The following SLC2A13 variants were observed in gnomAD, a reference collection of about 807,000 sequenced individuals.
SLC2A13 encodes the protein solute carrier family 2 member 13.
In SLC2A13, 32 loss-of-function variants were observed where a neutral mutation model predicts 64.4. The ratio of observed to expected loss-of-function variants is 0.50; its 90% CI spans 0.37 to 0.67. The LOEUF (loss-of-function observed/expected upper bound fraction) is 0.67, where lower values mean the gene tolerates loss of function less well. Ranked by LOEUF, SLC2A13 falls within the 30% of genes least tolerant of loss-of-function variation. SLC2A13 has a pLI of 0.00. For missense variants in SLC2A13, 743 were observed against 829.2 expected, an observed-to-expected ratio of 0.90 and a Z score of 1.28; for synonymous variants, 338 against 327.1, an observed-to-expected ratio of 1.03 and a Z score of -0.36.
At chr12:39,889,765 C>CAG (rs1944557831) in intron 4 of SLC2A13, among the ~76,000 whole-genome samples, 1 of 151,964 alleles carries the variant, frequency 6.6e-6, no homozygotes, top group African/African-American at 2.4e-5. Context: ...TTCTTGACCT[C>CAG]GTGATCTGCC....
At chr12:39,784,489 T>C (rs1941113629) in intron 7 of SLC2A13, among the ~76,000 whole-genome samples, 1 of 152,194 alleles carries the variant, frequency 6.6e-6, no homozygotes, top group Non-Finnish European at 1.5e-5. Flanking sequence ...ATTCCCTACT[T>C]AACAAATGGT....
At chr12:39,885,809 T>C (rs1944451748) in intron 4 of SLC2A13, among the ~76,000 whole-genome samples, 1 of 152,162 alleles carries the variant, frequency 6.6e-6, no homozygotes, top group South Asian at 2.1e-4. Context: ...CAATGCAAAA[T>C]TCCCAGTTGT....
chr12:39,846,203 T>C (rs1943307885), intron 6 of SLC2A13, among the ~76,000 whole-genome samples: 1 of 152,256 alleles, frequency 6.6e-6, no homozygotes, highest in Admixed American at 6.5e-5. Flanking sequence ...ACCAAGGTGG[T>C]GAATACTTTA....
At chr12:39,818,380 T>C (rs937028329) in intron 7 of SLC2A13, among the ~76,000 whole-genome samples, 2 of 152,186 alleles carry the variant, frequency 1.3e-5, no homozygotes, top group African/African-American at 4.8e-5. Context: ...TGAGAATTAC[T>C]TGCAAAAATG....
intron 4 of SLC2A13, among the ~76,000 whole-genome samples, chr12:39,914,421 C>A (rs1945486367): frequency 6.6e-6 from 1 of 151,960 alleles, no homozygotes; most frequent in South Asian, 2.1e-4. Context: ...ACAGAGAACT[C>A]TGAAAGAACG....
intron 7 of SLC2A13, among the ~76,000 whole-genome samples, chr12:39,813,143 C>CCTATA (rs1942241222): frequency 6.6e-6 from 1 of 151,102 alleles, no homozygotes; most frequent in Admixed American, 6.6e-5. Flanking sequence ...CTGTGCCCAG[C>CCTATA]CTATAGTATT....
chr12:40,032,296 C>T lies in SLC2A13; in HGVS notation c.717-3787G>A, dbSNP rs553284584. Among the ~76,000 whole-genome samples the T allele has an allele frequency of 2.0e-5, 3 of 152,306 alleles. No homozygotes were observed. The South Asian group carries it at 6.2e-4, about 32-fold the overall frequency. On this transcript the variant is annotated intron_variant, in intron 2 of 9. Transcript: ENST00000280871. The stretch of plus-strand genomic sequence containing the variant: ...CATTTACCTTCTACGGACAAGCAAG[C>T]GCACCAGACAAACACACAGTCAAGC...
intron 4 of SLC2A13, among the ~76,000 whole-genome samples, chr12:39,896,140 ACC>A (rs1565527303): frequency 6.8e-6 from 1 of 147,630 alleles, no homozygotes; most frequent in Non-Finnish European, 1.5e-5. Flanking sequence ...ATACACGTGT[ACC>A]TATATATGTA....
At chr12:39,882,431 A>G (rs1944362503) in intron 4 of SLC2A13, among the ~76,000 whole-genome samples, 1 of 152,228 alleles carries the variant, frequency 6.6e-6, no homozygotes, top group Admixed American at 6.5e-5. Context: ...CTTATGTCAT[A>G]AATTCCAACT....
rs1407656100 is a variant in SLC2A13, at chr12:39,951,261, T to TG, written c.1029dup (p.Ile344HisfsTer15). On this transcript the variant is annotated frameshift_variant, in exon 4 of 10. Transcript: ENST00000280871. LOFTEE classifies it high-confidence loss of function. Reference sequence around the variant, plus strand: ...AAGCCAGAAAGAAATACATACATGATGGTGTTAATGCCTGAGAGCTGCTGG... The same window carrying TG: ...AAGCCAGAAAGAAATACATACATGATGGGTGTTAATGCCTGAGAGCTGCTGG... 6.2e-7 allele frequency: 1 copy of TG among 1,612,458 alleles called. No homozygotes were observed. The highest frequency in any genetic ancestry group is 8.5e-7 in the Non-Finnish European group (1 of 1,179,130).
chr12:39,829,630 C>T (rs763159732), intron 7 of SLC2A13: 3 of 162,012 alleles, frequency 1.9e-5, no homozygotes, highest in Non-Finnish European at 4.1e-5. Flanking sequence ...CCAGGGTGGT[C>T]TCGAACTCCT....
chr12:40,070,925 A>G (rs916441413), intron 1 of SLC2A13, among the ~76,000 whole-genome samples: 7 of 152,176 alleles, frequency 4.6e-5, no homozygotes, highest in African/African-American at 7.2e-5. Flanking sequence ...CAGGACAAAT[A>G]TCAGCCCATA....
At chr12:39,943,537 C>A (rs1217263773) in intron 4 of SLC2A13, among the ~76,000 whole-genome samples, 5 of 152,182 alleles carry the variant, frequency 3.3e-5, no homozygotes, top group Admixed American at 2.0e-4. Context: ...AACTTCCCTG[C>A]AGCTTTGTTT....
At chr12:39,986,500 T>C (rs567615592) in intron 3 of SLC2A13, among the ~76,000 whole-genome samples, 16 of 152,022 alleles carry the variant, frequency 1.1e-4, no homozygotes, top group Admixed American at 9.8e-4. Flanking sequence ...ATACTTTTGT[T>C]AAATACAACG....
intron 4 of SLC2A13, among the ~76,000 whole-genome samples, chr12:39,911,462 A>G (rs1341777936): frequency 6.6e-6 from 1 of 152,050 alleles, no homozygotes; most frequent in Non-Finnish European, 1.5e-5. Flanking sequence ...TCTCTATGAT[A>G]AACAGATTTA....
chr12:39,812,281 C>T (rs945226796), intron 7 of SLC2A13, among the ~76,000 whole-genome samples: 1 of 152,088 alleles, frequency 6.6e-6, no homozygotes, highest in African/African-American at 2.4e-5. Context: ...CCCTCATGAC[C>T]TAATCACCTC....
At chr12:40,090,423 T>G (rs1470975565) in intron 1 of SLC2A13, among the ~76,000 whole-genome samples, 3 of 152,198 alleles carry the variant, frequency 2.0e-5, no homozygotes, top group African/African-American at 7.2e-5. Flanking sequence ...AAAAATTTAC[T>G]GACAGTGGCT....
intron 6 of SLC2A13, among the ~76,000 whole-genome samples, chr12:39,834,759 C>A (rs568095299): frequency 6.6e-6 from 1 of 152,020 alleles, no homozygotes; most frequent in South Asian, 2.1e-4. Context: ...ACTCTTTCAT[C>A]CTTGACCTGG....
chr12:39,864,531 G>C (rs1210753447), intron 6 of SLC2A13, among the ~76,000 whole-genome samples: 2 of 152,058 alleles, frequency 1.3e-5, no homozygotes, highest in Non-Finnish European at 2.9e-5. Flanking sequence ...ACATCACCAA[G>C]ATTGTGTCTA....
Sources: gnomAD v4.1 joint callset for allele counts (sites outside exome capture counted in the v4.1 genomes callset) on GRCh38, gnomAD v4.1.1 for gene constraint, MANE v1.5 for transcripts, NCBI Gene and HGNC (gene_info 2026-07-23, HGNC 2026-07-21) for gene names.